JAM2: variants seen among roughly 807,000 people sequenced by gnomAD.
JAM2 encodes junctional adhesion molecule 2, also known as junctional adhesion molecule B.
JAM2 carries 17 observed loss-of-function variants against 42.0 expected under a neutral mutation model. The observed-to-expected ratio is 0.40, with a 90% CI of 0.28 to 0.61. The LOEUF (loss-of-function observed/expected upper bound fraction) is 0.61. Among genes scored for constraint, JAM2 ranks in the 20% least tolerant of loss-of-function variants. The pLI, the probability that JAM2 is intolerant of heterozygous loss-of-function variation, is 0.37. For synonymous variants in JAM2, 118 were observed against 128.6 expected, an observed-to-expected ratio of 0.92 and a Z score of 0.56; for missense variants, 319 against 358.3, an observed-to-expected ratio of 0.89 and a Z score of 0.89.
chr21:25,699,307 T>A (rs1442663616), intron 5 of JAM2, among the ~76,000 whole-genome samples: 1 of 152,200 alleles, frequency 6.6e-6, no homozygotes, highest in Non-Finnish European at 1.5e-5. Context: ...TGCAGTGAAC[T>A]CACTTGTGAC....
At chr21:25,713,077 A>G (rs1362057339) in intron 9 of JAM2, among the ~76,000 whole-genome samples, 4 of 152,280 alleles carry the variant, frequency 2.6e-5, no homozygotes, top group South Asian at 2.1e-4. Flanking sequence ...CCTCTTTGGT[A>G]CGGGCACTAG....
At position 25,717,449 on chromosome 21, in the gene JAM2, T is replaced by G; in HGVS notation, c.*2777T>G. On this transcript the variant is annotated 3_prime_UTR_variant, in exon 10 of 10. Transcript: ENST00000480456. ...GTAACTAGATTTAATTTATTTTTAG[T>G]TGGAGGTTTGACCTAAGTCTGGACC... 1 of 440,466 alleles carries G rather than the reference T, an allele frequency of 2.3e-6. No homozygotes were observed. Among genetic ancestry groups the G allele is most frequent in the Non-Finnish European group, 3.9e-6 (1 of 259,088 alleles). The allele number at this position is 440,466 out of a possible 1,614,324, so 27.3% of individuals were successfully genotyped here. A position where few individuals can be genotyped will look rare whatever the true frequency, so the allele number is the denominator to read the frequency against.
chr21:25,693,053 T>C (rs535823440), intron 3 of JAM2, among the ~76,000 whole-genome samples: 16 of 152,294 alleles, frequency 1.1e-4, no homozygotes, highest in African/African-American at 3.9e-4. Flanking sequence ...TAGATCTGAC[T>C]GCATATGGAC....
chr21:25,650,256 A>G (rs2032735217), intron 1 of JAM2, among the ~76,000 whole-genome samples: 1 of 152,220 alleles, frequency 6.6e-6, no homozygotes, highest in African/African-American at 2.4e-5. Flanking sequence ...TGATTTTCCT[A>G]GGTGTTCTTG....
intron 6 of JAM2, among the ~76,000 whole-genome samples, chr21:25,703,509 A>AT (rs1165647483): frequency 6.6e-6 from 1 of 152,238 alleles, no homozygotes; most frequent in Admixed American, 6.5e-5. Flanking sequence ...TTTGAAATAC[A>AT]TACAAATTCA....
chr21:25,689,538 G>T (rs1430364261), intron 2 of JAM2, among the ~76,000 whole-genome samples: 1 of 152,178 alleles, frequency 6.6e-6, no homozygotes, highest in Non-Finnish European at 1.5e-5. Context: ...GCTGCCATTT[G>T]TTAAGTCCTT....
chr21:25,666,473 C>T (rs1184062818), intron 1 of JAM2, among the ~76,000 whole-genome samples: 5 of 152,026 alleles, frequency 3.3e-5, no homozygotes, highest in African/African-American at 1.2e-4. Context: ...TACAGGCACC[C>T]GCCACCACAC....
chr21:25,668,457 A>G (rs1330424005), intron 1 of JAM2, among the ~76,000 whole-genome samples: 4 of 152,204 alleles, frequency 2.6e-5, no homozygotes, highest in Non-Finnish European at 5.9e-5. Flanking sequence ...TCAGATTCGG[A>G]ATGCATTTTG....
intron 7 of JAM2, 135 bp downstream of exon 7, chr21:25,706,221 C>A: frequency 1.6e-6 from 1 of 631,476 alleles, no homozygotes. Context: ...CTCTGTTGCC[C>A]AGGCTGGAGT....
At chr21:25,708,574 C>A (rs538173114) in intron 7 of JAM2, among the ~76,000 whole-genome samples, 1 of 152,100 alleles carries the variant, frequency 6.6e-6, no homozygotes, top group Non-Finnish European at 1.5e-5. Flanking sequence ...ACCAAACAAA[C>A]AAACAAAAAG....
At position 25,663,526 on chromosome 21, in the gene JAM2, C is replaced by T. The variant is rs111937227; in HGVS notation, c.68-20357C>T. Among the ~76,000 whole-genome samples the T allele has an allele frequency of 3.2e-3, 486 of 152,214 alleles. 1 individual carries two copies. The highest frequency in any genetic ancestry group is 0.011 in the African/African-American group (458 of 41,546). ...TTAAGAAGTGATCGATTCATGAGGA[C>T]TCTGCCTTCATGAATGGATTAACCC... On this transcript the variant is annotated intron_variant, in intron 1 of 9. Coordinates refer to ENST00000480456, the MANE Select transcript of JAM2 (RefSeq NM_021219.4).
chr21:25,710,944 G>A (rs1227847287), intron 8 of JAM2, among the ~76,000 whole-genome samples: 1 of 152,216 alleles, frequency 6.6e-6, no homozygotes, highest in Non-Finnish European at 1.5e-5. Context: ...GAAAATGGTG[G>A]CTGGTGCCAA....
chr21:25,693,324 C>G (rs2033923487), intron 3 of JAM2, among the ~76,000 whole-genome samples: 1 of 150,916 alleles, frequency 6.6e-6, no homozygotes, highest in Non-Finnish European at 1.5e-5. Flanking sequence ...GTGACACAAT[C>G]TCGGCTCACT....
intron 1 of JAM2, among the ~76,000 whole-genome samples, chr21:25,669,891 C>A (rs903785023): frequency 5.3e-5 from 8 of 152,146 alleles, no homozygotes; most frequent in African/African-American, 1.7e-4. Flanking sequence ...CTCAAAAAGC[C>A]AAGCTGCTGA....
rs80270295 is a variant in JAM2, at chr21:25,680,050, G to C, written c.68-3833G>C. Reference sequence around the variant, plus strand: ...ACAGAGAATTGTAAGAGTCAAATGAGTTAATACTTGTAAAGCGCCAAGTGC... The same window carrying C: ...ACAGAGAATTGTAAGAGTCAAATGACTTAATACTTGTAAAGCGCCAAGTGC... On this transcript the variant is annotated intron_variant, in intron 1 of 9. Transcript: ENST00000480456. 5.6e-3 allele frequency among the ~76,000 whole-genome samples: 858 copies of C among 152,276 alleles called. 59 individuals are homozygous for C. The East Asian group carries it at 0.15, about 27-fold the overall frequency.
At position 25,670,691 on chromosome 21, in the gene JAM2, A is replaced by C. The variant is rs564297693; in HGVS notation, c.68-13192A>C. Reference sequence around the variant, plus strand: ...AGTTGGATGTGTAGGACTAGTTTTGAACTAAAAAAGTCAGAGAACTGTTTT... The same window carrying C: ...AGTTGGATGTGTAGGACTAGTTTTGCACTAAAAAAGTCAGAGAACTGTTTT... On this transcript the variant is annotated intron_variant, in intron 1 of 9. Coordinates refer to ENST00000480456, the MANE Select transcript of JAM2 (RefSeq NM_021219.4). 6.6e-5 allele frequency among the ~76,000 whole-genome samples: 10 copies of C among 152,296 alleles called. 1 individual carries two copies. The South Asian group carries it at 1.9e-3, about 28-fold the overall frequency.
intron 1 of JAM2, among the ~76,000 whole-genome samples, chr21:25,647,810 A>C (rs928881301): frequency 6.6e-6 from 1 of 152,256 alleles, no homozygotes; most frequent in Admixed American, 6.5e-5. Context: ...GCTATTTTTA[A>C]AGGAGACCAA....
chr21:25,649,858 C>A (rs1021454869), intron 1 of JAM2, among the ~76,000 whole-genome samples: 1 of 152,180 alleles, frequency 6.6e-6, no homozygotes, highest in Non-Finnish European at 1.5e-5. Flanking sequence ...TGGGCAGCTA[C>A]CTCTGGCAAG....
chr21:25,646,900 C>T (rs1453196612), intron 1 of JAM2, among the ~76,000 whole-genome samples: 1 of 152,142 alleles, frequency 6.6e-6, no homozygotes. Flanking sequence ...TCATCAGCAT[C>T]AAATTTTTAT....
Sources: gnomAD v4.1 joint callset for allele counts (sites outside exome capture counted in the v4.1 genomes callset) on GRCh38, gnomAD v4.1.1 for gene constraint, MANE v1.5 for transcripts, NCBI Gene and HGNC (gene_info 2026-07-23, HGNC 2026-07-21) for gene names.